The following PALM2AKAP2 variants were observed in gnomAD, a reference collection of about 807,000 sequenced individuals.
The protein encoded by PALM2AKAP2 is PALM2 and AKAP2 fusion.
In PALM2AKAP2, 37 loss-of-function variants were observed where a neutral mutation model predicts 71.5. The observed-to-expected ratio is 0.52, with a 90% CI of 0.40 to 0.68. PALM2AKAP2 has a LOEUF of 0.68. Ranked by LOEUF, PALM2AKAP2 falls within the 30% of genes least tolerant of loss-of-function variation. PALM2AKAP2 has a pLI of 0.00. For synonymous variants in PALM2AKAP2, 468 were observed against 478.8 expected (o/e 0.98, Z 0.29); for missense variants, 1,224 against 1,191.8 (o/e 1.03, Z -0.40).
chr9:110,074,150 A>G (rs576256000), intron 1 of PALM2AKAP2, among the ~76,000 whole-genome samples: 2 of 152,344 alleles, frequency 1.3e-5, no homozygotes, highest in South Asian at 4.1e-4. Context: ...GGTAACCTCA[A>G]ATTGCGGGAT....
At chr9:109,962,850 G>T (rs1041567325) in intron 6 of PALM2AKAP2, among the ~76,000 whole-genome samples, 3 of 152,138 alleles carry the variant, frequency 2.0e-5, no homozygotes, top group Non-Finnish European at 2.9e-5. Flanking sequence ...TGCCATGTTG[G>T]CCAGGCTGGT....
At position 110,066,335 on chromosome 9, in the gene PALM2AKAP2, T is replaced by C. The variant is rs147836141; in HGVS notation, c.156+17480T>C. 6.6e-5 allele frequency among the ~76,000 whole-genome samples: 10 copies of C among 152,288 alleles called. No individual in the cohort carries two copies. In the East Asian group the frequency reaches 1.9e-3, roughly 29 times the overall value. The stretch of plus-strand genomic sequence containing the variant: ...ATTATTGAACCTTTGTAAGCTTTAG[T>C]TTCCTCATCTGTAAAACGCAGATAA... On this transcript the variant is annotated intron_variant, in intron 1 of 3. Transcript: ENST00000374525.
At chr9:110,166,594 G>A (rs1836739480) in intron 3 of PALM2AKAP2, among the ~76,000 whole-genome samples, 1 of 152,228 alleles carries the variant, frequency 6.6e-6, no homozygotes, top group South Asian at 2.1e-4. Flanking sequence ...TGGATATTGA[G>A]TGAGTGACCG....
chr9:110,147,849 A>G (rs1836216683), intron 2 of PALM2AKAP2, among the ~76,000 whole-genome samples: 1 of 152,224 alleles, frequency 6.6e-6, no homozygotes, highest in South Asian at 2.1e-4. Context: ...AGCCTGAAAT[A>G]AATAACCGAA....
At position 110,105,366 on chromosome 9, in the gene PALM2AKAP2, G is replaced by A. The variant is rs1389378014; in HGVS notation, c.157-30761G>A. Among the ~76,000 whole-genome samples the A allele has an allele frequency of 2.6e-5, 4 of 152,150 alleles. No individual in the cohort carries two copies. In the East Asian group the frequency reaches 7.7e-4, roughly 29 times the overall value. On this transcript the variant is annotated intron_variant, in intron 1 of 3. Coordinates refer to ENST00000374525, the Ensembl canonical transcript of PALM2AKAP2. ...TTATATTATTGCTACTTAAAACTTG[G>A]TTGCTTTGTAGATCCTACTTGGGAA...
At chr9:109,905,213 A>G (rs1165464255) in intron 3 of PALM2AKAP2, among the ~76,000 whole-genome samples, 3 of 152,072 alleles carry the variant, frequency 2.0e-5, no homozygotes, top group Non-Finnish European at 2.9e-5. Context: ...TTTGTCTCCA[A>G]CTCCCATAAT....
intron 1 of PALM2AKAP2, among the ~76,000 whole-genome samples, chr9:109,732,561 G>A (rs12339999): frequency 6.6e-6 from 1 of 151,992 alleles, no homozygotes; most frequent in South Asian, 2.1e-4. Flanking sequence ...GAGCTAAATT[G>A]TTTCCACTCA....
intron 1 of PALM2AKAP2, among the ~76,000 whole-genome samples, chr9:109,691,875 CACACACATATATATAT>C (rs1827896152): frequency 1.8e-5 from 1 of 55,260 alleles, no homozygotes; most frequent in Non-Finnish European, 3.6e-5. Flanking sequence ...TATACACACA[CACACACATATATATAT>C]ATATATATAT....
At chr9:109,704,994 G>T (rs1432825340) in intron 1 of PALM2AKAP2, among the ~76,000 whole-genome samples, 1 of 152,134 alleles carries the variant, frequency 6.6e-6, no homozygotes. Context: ...GCAGGACCTT[G>T]GTTGCATTTC....
At chr9:110,130,078 T>C (rs1054192467) in intron 1 of PALM2AKAP2, among the ~76,000 whole-genome samples, 1 of 152,228 alleles carries the variant, frequency 6.6e-6, no homozygotes, top group African/African-American at 2.4e-5. Context: ...AATCTCCTGC[T>C]CTTTTCCCAA....
At chr9:110,021,670 G>T (rs1259731616) in intron 7 of PALM2AKAP2, among the ~76,000 whole-genome samples, 1 of 151,802 alleles carries the variant, frequency 6.6e-6, no homozygotes, top group African/African-American at 2.4e-5. Context: ...GGAAGAAAAG[G>T]GTAGCTGTAT....
intron 1 of PALM2AKAP2, among the ~76,000 whole-genome samples, chr9:109,850,683 C>G (rs1475818627): frequency 6.6e-6 from 1 of 152,106 alleles, no homozygotes; most frequent in African/African-American, 2.4e-5. Flanking sequence ...CTTTGAAGAG[C>G]AAAGAAAGCA....
At chr9:109,840,566 C>T (rs1190595056) in intron 1 of PALM2AKAP2, among the ~76,000 whole-genome samples, 1 of 152,214 alleles carries the variant, frequency 6.6e-6, no homozygotes, top group Non-Finnish European at 1.5e-5. Context: ...AAACTACCAT[C>T]AGAGTGAACA....
intron 1 of PALM2AKAP2, among the ~76,000 whole-genome samples, chr9:109,759,349 A>G (rs1829015347): frequency 6.6e-6 from 1 of 152,142 alleles, no homozygotes; most frequent in Non-Finnish European, 1.5e-5. Context: ...TTGTAAGTGT[A>G]CATGTAAAAA....
intron 6 of PALM2AKAP2, among the ~76,000 whole-genome samples, chr9:110,005,175 T>C (rs1832753792): frequency 6.6e-6 from 1 of 152,176 alleles, no homozygotes; most frequent in African/African-American, 2.4e-5. Context: ...CTTTGGTCTT[T>C]GATGATGGTG....
intron 1 of PALM2AKAP2, among the ~76,000 whole-genome samples, chr9:110,117,695 C>T (rs1387251781): frequency 6.6e-6 from 1 of 152,126 alleles, no homozygotes; most frequent in Admixed American, 6.5e-5. Flanking sequence ...GCCAGTCTTA[C>T]TTTGATAATG....
At chr9:109,794,446 A>AC (rs1827194970) in intron 1 of PALM2AKAP2, among the ~76,000 whole-genome samples, 1 of 140,784 alleles carries the variant, frequency 7.1e-6, no homozygotes. Flanking sequence ...CTGAACCCTC[A>AC]CTTTTCTCTT....
At chr9:110,168,963 T>C (rs1040024203) in exon 4 of PALM2AKAP2, 2 of 153,180 alleles carry the variant, frequency 1.3e-5, no homozygotes, top group African/African-American at 4.8e-5. Flanking sequence ...TCAGAGGGTG[T>C]TGCATTAACT....
chr9:109,787,702 A>G (rs562101540), intron 1 of PALM2AKAP2, among the ~76,000 whole-genome samples: 6 of 152,330 alleles, frequency 3.9e-5, no homozygotes, highest in Non-Finnish European at 5.9e-5. Context: ...CTCATTTTCA[A>G]GAGAAGCCAG....
Sources: allele counts gnomAD v4.1 joint callset (sites outside exome capture counted in the v4.1 genomes callset), GRCh38; gene constraint gnomAD v4.1.1; transcripts MANE v1.5; gene names NCBI Gene and HGNC (gene_info 2026-07-23, HGNC 2026-07-21).